Variants in PRH1 observed in about 807,000 individuals in gnomAD.
PRH1 encodes the protein proline rich protein HaeIII subfamily 1, also known as salivary acidic proline-rich phosphoprotein 1/2.
PRH1 carries 7 observed loss-of-function variants against 7.9 expected under a neutral mutation model. The ratio of observed to expected loss-of-function variants is 0.89; its 90% CI spans 0.50 to 1.67. The LOEUF is 1.67. PRH1 is among the 40% of genes most tolerant of loss of function. The probability of loss-of-function intolerance (pLI) is 0.00; values close to 1 mark genes in which losing one functional copy is unlikely to be tolerated. For missense variants in PRH1, 109 were observed against 223.6 expected, an observed-to-expected ratio of 0.49 and a Z score of 3.27; for synonymous variants, 45 against 80.8, an observed-to-expected ratio of 0.56 and a Z score of 2.38.
chr12:11,151,562 T>C (rs972793403), intron 1 of PRH1, among the ~76,000 whole-genome samples: 23 of 152,212 alleles, frequency 1.5e-4, no homozygotes, highest in South Asian at 6.2e-4. Context: ...TTGTATTTGC[T>C]CTCTTCCTTT....
upstream of PRH1, among the ~76,000 whole-genome samples, chr12:10,886,785 C>T (rs111622111): frequency 2.9e-3 from 437 of 152,300 alleles, 2 homozygotes; most frequent in African/African-American, 1.0e-2. Flanking sequence ...CAAAAATCCT[C>T]GCTCCCTCCA....
chr12:11,072,478 A>G (rs1316658827), intron 1 of PRH1, among the ~76,000 whole-genome samples: 1 of 152,238 alleles, frequency 6.6e-6, no homozygotes, highest in Non-Finnish European at 1.5e-5. Context: ...AGCAGGACCA[A>G]GGCGAAGCCT....
intron 3 of PRH1, 116 bp from the exon 4 acceptor site, chr12:10,881,172 C>G (rs911999099): frequency 6.5e-6 from 1 of 154,494 alleles, no homozygotes; most frequent in African/African-American, 2.4e-5. Flanking sequence ...TACTCTTGCC[C>G]TCTATCCCTT....
intron 1 of PRH1, among the ~76,000 whole-genome samples, chr12:11,012,819 A>T (rs1941123415): frequency 6.6e-6 from 1 of 152,148 alleles, no homozygotes. Context: ...TGGTCTCCCA[A>T]AATGCTTGGA....
At chr12:10,954,333 C>T (rs1045822327) in intron 2 of PRH1, among the ~76,000 whole-genome samples, 3 of 152,150 alleles carry the variant, frequency 2.0e-5, no homozygotes, top group African/African-American at 7.2e-5. Flanking sequence ...GATAAAGAAG[C>T]AAGACGCAAT....
At chr12:11,075,209 T>C (rs1396188641) in intron 1 of PRH1, among the ~76,000 whole-genome samples, 34,295 of 83,770 alleles carry the variant, frequency 0.41, 4,505 homozygotes, top group Non-Finnish European at 0.51. Flanking sequence ...AATATATATA[T>C]AAATAATGTG....
chr12:11,028,721 A>G (rs1942037459), intron 1 of PRH1, among the ~76,000 whole-genome samples: 1 of 148,454 alleles, frequency 6.7e-6, no homozygotes, highest in Non-Finnish European at 1.5e-5. Context: ...TCAAACTATT[A>G]TAATAGGTGC....
chr12:11,043,228 A>G (rs183280898), intron 1 of PRH1, among the ~76,000 whole-genome samples: 1 of 152,366 alleles, frequency 6.6e-6, no homozygotes, highest in East Asian at 1.9e-4. Flanking sequence ...CTGAAAAAGC[A>G]TTTGATAAAA....
chr12:11,120,794 G>A (rs781725647), downstream of PRH1: 1 of 151,844 alleles, frequency 6.6e-6, no homozygotes, highest in Non-Finnish European at 1.5e-5. Context: ...TTTTTCTTTG[G>A]CCCACTATTT....
At chr12:11,157,313 T>C (rs1193018813) in intron 1 of PRH1, among the ~76,000 whole-genome samples, 2 of 152,136 alleles carry the variant, frequency 1.3e-5, no homozygotes, top group Non-Finnish European at 2.9e-5. Flanking sequence ...TAAAAGATAA[T>C]ACATCAATCA....
chr12:11,145,333 C>T (rs1256804259), intron 1 of PRH1, among the ~76,000 whole-genome samples: 2 of 152,118 alleles, frequency 1.3e-5, no homozygotes, highest in East Asian at 3.9e-4. Flanking sequence ...TCTGGGATTA[C>T]AGATACATAA....
At chr12:11,064,977 C>G (rs1403969191) in intron 1 of PRH1, among the ~76,000 whole-genome samples, 2 of 151,980 alleles carry the variant, frequency 1.3e-5, no homozygotes, top group Non-Finnish European at 2.9e-5. Flanking sequence ...TTCCAGACTG[C>G]AGTAAGCCAT....
At chr12:11,088,819 T>C (rs1186347615) in intron 1 of PRH1, among the ~76,000 whole-genome samples, 4 of 115,798 alleles carry the variant, frequency 3.5e-5, no homozygotes, top group Admixed American at 1.7e-4. Flanking sequence ...GAAACATACA[T>C]AGTGGTCATT....
intron 2 of PRH1, among the ~76,000 whole-genome samples, chr12:10,915,923 T>C (rs982514779): frequency 6.6e-6 from 1 of 152,196 alleles, no homozygotes; most frequent in East Asian, 1.9e-4. Flanking sequence ...TAAAAAACTT[T>C]AGTGTGCCTT....
Position 11,091,009 on chromosome 12 carries a change from T to A in PRH1, n.124-43821A>T, listed in dbSNP as rs574801211. Among the ~76,000 whole-genome samples the A allele has an allele frequency of 7.8e-5, 8 of 102,840 alleles. No homozygotes were observed. The East Asian group carries it at 1.6e-3, about 20-fold the overall frequency. The allele number at this position is 102,840 out of a possible 152,430, so 67.5% of individuals were successfully genotyped here. A position where few individuals can be genotyped will look rare whatever the true frequency, so the allele number is the denominator to read the frequency against. The stretch of plus-strand genomic sequence containing the variant: ...AACATGGCTTCAAAATTCTAAGAAG[T>A]TTTTGTCATATTTTGTATAATTTGG... On this transcript the variant is annotated intron_variant and non_coding_transcript_variant, in intron 1 of 4. Transcript: ENST00000541977.
intron 1 of PRH1, among the ~76,000 whole-genome samples, chr12:11,154,642 G>T (rs1025671901): frequency 6.6e-5 from 10 of 152,168 alleles, no homozygotes; most frequent in Non-Finnish European, 1.5e-4. Context: ...TCTTGGAGCT[G>T]CCTTCAAAAG....
At chr12:10,931,208 G>C in intron 2 of PRH1, 1 of 1,515,270 alleles carries the variant, frequency 6.6e-7, no homozygotes, top group Non-Finnish European at 8.8e-7. Flanking sequence ...CATGAGTTTT[G>C]TTCAAATATT....
intron 2 of PRH1, among the ~76,000 whole-genome samples, chr12:10,942,111 T>A (rs1354404619): frequency 6.6e-6 from 1 of 152,142 alleles, no homozygotes; most frequent in East Asian, 1.9e-4. Flanking sequence ...CAGCACCTGT[T>A]CTGGTGGAGG....
At chr12:11,003,137 A>G (rs1215958213) in intron 1 of PRH1, among the ~76,000 whole-genome samples, 1 of 151,974 alleles carries the variant, frequency 6.6e-6, no homozygotes, top group Non-Finnish European at 1.5e-5. Flanking sequence ...TCTTTTTTAA[A>G]TTAATTTTTA....
Sources: gnomAD v4.1 joint callset for allele counts (sites outside exome capture counted in the v4.1 genomes callset) on GRCh38, gnomAD v4.1.1 for gene constraint, MANE v1.5 for transcripts, NCBI Gene and HGNC (gene_info 2026-07-23, HGNC 2026-07-21) for gene names.